SCCPDH: variants seen among roughly 807,000 people sequenced by gnomAD.
SCCPDH encodes saccharopine dehydrogenase-like oxidoreductase.
A neutral mutation model predicts 51.5 loss-of-function variants in SCCPDH; 34 were observed. The observed-to-expected ratio is 0.66, with a 90% CI of 0.50 to 0.88. SCCPDH has a LOEUF of 0.88. Among genes scored for constraint, SCCPDH ranks in the 40% least tolerant of loss-of-function variants. SCCPDH has a pLI of 0.00. For missense variants in SCCPDH, 464 were observed against 527.1 expected, an observed-to-expected ratio of 0.88 and a Z score of 1.17; for synonymous variants, 187 against 191.3, an observed-to-expected ratio of 0.98 and a Z score of 0.19.
intron 5 of SCCPDH, among the ~76,000 whole-genome samples, chr1:246,755,026 T>C (rs1389617909): frequency 6.6e-6 from 1 of 152,194 alleles, no homozygotes; most frequent in Non-Finnish European, 1.5e-5. Context: ...GGTGATTATT[T>C]TTGTAAAAAA....
chr1:246,761,551 C>A (rs1186091925), intron 9 of SCCPDH, among the ~76,000 whole-genome samples: 1 of 152,228 alleles, frequency 6.6e-6, no homozygotes, highest in African/African-American at 2.4e-5. Context: ...GAAACAATAA[C>A]TCCTCATTTC....
chr1:246,736,056 G>T lies in SCCPDH; in HGVS notation c.384+1G>T. 6.3e-7 allele frequency: 1 copy of T among 1,596,706 alleles called. No homozygotes were observed. The highest frequency in any genetic ancestry group is 1.3e-5 in the African/African-American group (1 of 74,326). ...TATCGACATCAGTGGAGAACCTCAGGTATAAAAAATAAAAAGGAAAAACGT... is the reference window on the plus strand; with the variant it reads ...TATCGACATCAGTGGAGAACCTCAGTTATAAAAAATAAAAAGGAAAAACGT... On this transcript the variant is annotated splice_donor_variant, in intron 3 of 11. Coordinates refer to ENST00000366510, the MANE Select transcript of SCCPDH (RefSeq NM_016002.3). LOFTEE classifies it high-confidence loss of function.
chr1:246,727,216 C>G (rs971309258), intron 2 of SCCPDH, among the ~76,000 whole-genome samples: 26 of 152,202 alleles, frequency 1.7e-4, no homozygotes, highest in African/African-American at 6.0e-4. Context: ...CTCCTTAGGG[C>G]ATGTGTGCTG....
Position 246,724,668 on chromosome 1 carries a change from T to C in SCCPDH, c.190+56T>C, listed in dbSNP as rs993380477. On this transcript the variant is annotated intron_variant, in intron 1 of 11. Coordinates refer to ENST00000366510, the MANE Select transcript of SCCPDH (RefSeq NM_016002.3). ...GGGCGGCTGGGCCGGGGACCCCGCATCGCCCCAAACGAGCGTTTCTCCCGC... is the reference window on the plus strand; with the variant it reads ...GGGCGGCTGGGCCGGGGACCCCGCACCGCCCCAAACGAGCGTTTCTCCCGC... The C allele has an allele frequency of 3.4e-4, 471 of 1,390,298 alleles. 1 individual carries two copies. The highest frequency in any genetic ancestry group is 4.3e-4 in the Non-Finnish European group (462 of 1,072,994). 86.1% of individuals were successfully genotyped at this position (1,390,298 alleles called of 1,614,324 possible).
intron 1 of SCCPDH, among the ~76,000 whole-genome samples, 172 bp downstream of exon 1, chr1:246,724,784 C>T (rs1668362160): frequency 6.6e-6 from 1 of 152,196 alleles, no homozygotes; most frequent in South Asian, 2.1e-4. Flanking sequence ...CTTTGTCCCA[C>T]CTCCTTAACT....
chr1:246,734,378 G>A (rs1324021738), intron 2 of SCCPDH, among the ~76,000 whole-genome samples: 2 of 152,152 alleles, frequency 1.3e-5, no homozygotes, highest in Non-Finnish European at 1.5e-5. Flanking sequence ...TATTCATTTG[G>A]TAGGCAATTT....
At chr1:246,726,186 G>C (rs984467073) in intron 1 of SCCPDH, among the ~76,000 whole-genome samples, 1 of 152,144 alleles carries the variant, frequency 6.6e-6, no homozygotes, top group African/African-American at 2.4e-5. Context: ...CAGTCAGTCC[G>C]AAACTCTCCA....
intron 5 of SCCPDH, among the ~76,000 whole-genome samples, chr1:246,749,371 T>A (rs1276884308): frequency 6.6e-6 from 1 of 152,214 alleles, no homozygotes; most frequent in Admixed American, 6.5e-5. Flanking sequence ...ATAGGTTTTA[T>A]CATTGGGTAT....
In SCCPDH at chr1:246,764,286, G is replaced by T; in HGVS notation, c.1031G>T (p.Gly344Val). ...TTCACGCTGACATTCTTTGGTCAAG[G>T]ATACAGCCAAGGCACTGGTACAGAT... is the stretch of plus-strand genomic sequence containing the variant. ...ASFTLTFFGQ[G>V]YSQGTGTDKN... Residue 344 changes from glycine (G) to valine (V), a missense_variant, in exon 10 of 12, where the codon GGA (glycine) becomes GTA (valine). By Grantham distance (109) the Gly-to-Val change is moderately radical. Coordinates refer to ENST00000366510, the MANE Select transcript of SCCPDH (RefSeq NM_016002.3). 1 of 1,613,842 alleles carries T rather than the reference G, an allele frequency of 6.2e-7. No homozygotes were observed. The highest frequency in any genetic ancestry group is 8.5e-7 in the Non-Finnish European group (1 of 1,179,878).
intron 4 of SCCPDH, among the ~76,000 whole-genome samples, chr1:246,741,393 C>G (rs1391469171): frequency 7.3e-6 from 1 of 136,958 alleles, no homozygotes; most frequent in African/African-American, 2.8e-5. Context: ...AATGCCTGGG[C>G]TCAGGCAGTG....
At chr1:246,730,848 C>G (rs181041692) in intron 2 of SCCPDH, among the ~76,000 whole-genome samples, 4 of 152,020 alleles carry the variant, frequency 2.6e-5, no homozygotes, top group Non-Finnish European at 5.9e-5. Flanking sequence ...CACTTGAGGT[C>G]GGGAGTTTGA....
chr1:246,744,828 G>A (rs1668734880), intron 5 of SCCPDH, among the ~76,000 whole-genome samples: 1 of 151,362 alleles, frequency 6.6e-6, no homozygotes, highest in Non-Finnish European at 1.5e-5. Flanking sequence ...ATTTTGCCAT[G>A]TTGGCCAGGC....
intron 4 of SCCPDH, among the ~76,000 whole-genome samples, chr1:246,741,123 A>C (rs1668670122): frequency 6.6e-6 from 1 of 152,056 alleles, no homozygotes; most frequent in Non-Finnish European, 1.5e-5. Context: ...AAAACAAAAA[A>C]CAAAACTGAA....
chr1:246,724,515 G>A lies in SCCPDH; in HGVS notation c.93G>A (p.Gln31=), dbSNP rs1202023702. Residue 31 remains glutamine, a synonymous_variant, in exon 1 of 12, where the codon CAG becomes CAA. Transcript: ENST00000366510. ...TGACCGAGGAGGTGGCCCGGGAGCA[G>A]GTGGACCCGGAGCGGAGCTCCCGCC... is the stretch of plus-strand genomic sequence containing the variant. ...QFVTEEVARE[Q]VDPERSSRLP... 7.0e-6 allele frequency: 11 copies of A among 1,563,532 alleles called. No individual in the cohort carries two copies. Among genetic ancestry groups the A allele is most frequent in the South Asian group, 1.2e-5 (1 of 85,196 alleles).
At chr1:246,761,288 G>T (rs1669009152) in intron 9 of SCCPDH, among the ~76,000 whole-genome samples, 1 of 152,166 alleles carries the variant, frequency 6.6e-6, no homozygotes, top group South Asian at 2.1e-4. Flanking sequence ...AGTTGGGCAG[G>T]CTGGTCTTGA....
chr1:246,732,629 C>T (rs1395328795), intron 2 of SCCPDH, among the ~76,000 whole-genome samples: 1 of 152,180 alleles, frequency 6.6e-6, no homozygotes, highest in African/African-American at 2.4e-5. Context: ...CTCAGGTGAT[C>T]CACCTGCCTC....
chr1:246,747,855 G>C (rs1168251133), intron 5 of SCCPDH, among the ~76,000 whole-genome samples: 4 of 152,192 alleles, frequency 2.6e-5, no homozygotes, highest in Non-Finnish European at 5.9e-5. Context: ...CTAGGAGGGG[G>C]TTGTTTACTG....
In SCCPDH at chr1:246,733,002, C is replaced by T. The variant is rs142980899; in HGVS notation, c.304-2973C>T. 4.3e-4 allele frequency among the ~76,000 whole-genome samples: 65 copies of T among 152,344 alleles called. 1 individual carries two copies. In the East Asian group the frequency reaches 0.011, roughly 25 times the overall value. On this transcript the variant is annotated intron_variant, in intron 2 of 11. Transcript: ENST00000366510. ...TGTTCAGCCATTTGCTCAGTTTTGT[C>T]TCAGAGTCTTCCCTCTTTTGAGCAC...
intron 7 of SCCPDH, 126 bp from the exon 8 acceptor site, chr1:246,759,831 T>G: frequency 9.6e-7 from 1 of 1,041,732 alleles, no homozygotes. Flanking sequence ...ACATAATGCA[T>G]TTGTAAAGTG....
Sources: gnomAD v4.1 joint callset for allele counts (sites outside exome capture counted in the v4.1 genomes callset) on GRCh38, gnomAD v4.1.1 for gene constraint, MANE v1.5 for transcripts, NCBI Gene and HGNC (gene_info 2026-07-23, HGNC 2026-07-21) for gene names.